Variants in ADAMTSL1 observed in about 807,000 individuals in gnomAD.
The protein encoded by ADAMTSL1 is ADAMTS-like protein 1.
In ADAMTSL1, 126 loss-of-function variants were observed where a neutral mutation model predicts 201.8. The observed-to-expected ratio is 0.62, with a 90% CI of 0.54 to 0.72. The LOEUF (loss-of-function observed/expected upper bound fraction) is 0.72. Among genes scored for constraint, ADAMTSL1 ranks in the 30% least tolerant of loss-of-function variants. The probability of loss-of-function intolerance (pLI) is 0.00; values close to 1 mark genes in which losing one functional copy is unlikely to be tolerated. For missense variants in ADAMTSL1, 2,679 were observed against 2,277.8 expected (o/e 1.18, Z -3.59); for synonymous variants, 1,121 against 903.4 (o/e 1.24, Z -4.32).
chr9:18,274,237 G>A (rs1832499154), intron 2 of ADAMTSL1, among the ~76,000 whole-genome samples: 2 of 152,188 alleles, frequency 1.3e-5, no homozygotes, highest in Admixed American at 1.3e-4. Context: ...TTTATTTGAT[G>A]CATTCGTAAA....
intron 1 of ADAMTSL1, among the ~76,000 whole-genome samples, chr9:17,914,506 T>C (rs1174662241): frequency 6.6e-6 from 1 of 152,244 alleles, no homozygotes; most frequent in African/African-American, 2.4e-5. Context: ...AAATTAGGTG[T>C]TGATGGGACG....
At chr9:17,972,531 T>C (rs184871990) in intron 1 of ADAMTSL1, among the ~76,000 whole-genome samples, 1 of 152,148 alleles carries the variant, frequency 6.6e-6, no homozygotes, top group African/African-American at 2.4e-5. Context: ...CCATGGTGTC[T>C]ATGTGCCACA....
At chr9:18,038,845 T>C (rs574819926) in intron 1 of ADAMTSL1, among the ~76,000 whole-genome samples, 1 of 152,344 alleles carries the variant, frequency 6.6e-6, no homozygotes, top group South Asian at 2.1e-4. Context: ...AGAGAGTCTA[T>C]TGTGTAAACT....
chr9:18,633,129 C>T (rs1826880701), intron 5 of ADAMTSL1, among the ~76,000 whole-genome samples: 1 of 152,196 alleles, frequency 6.6e-6, no homozygotes, highest in Non-Finnish European at 1.5e-5. Context: ...AAGACTGCTG[C>T]TGAGCATGGC....
chr9:18,377,691 C>T (rs1419342127), intron 2 of ADAMTSL1, among the ~76,000 whole-genome samples: 1 of 152,076 alleles, frequency 6.6e-6, no homozygotes, highest in Admixed American at 6.6e-5. Context: ...CTGAGCCTCC[C>T]AAGTAGCTGG....
chr9:18,438,212 A>AG (rs1409088841), intron 2 of ADAMTSL1, among the ~76,000 whole-genome samples: 1 of 144,588 alleles, frequency 6.9e-6, no homozygotes, highest in Non-Finnish European at 1.5e-5. Flanking sequence ...AAGAGAAAGG[A>AG]GGGGGAGAGA....
intron 1 of ADAMTSL1, among the ~76,000 whole-genome samples, chr9:17,933,660 A>G (rs1031559617): frequency 6.6e-6 from 1 of 152,178 alleles, no homozygotes; most frequent in African/African-American, 2.4e-5. Flanking sequence ...ACTTACAATC[A>G]TGGCAAAAGT....
intron 1 of ADAMTSL1, among the ~76,000 whole-genome samples, chr9:18,009,794 T>C (rs1819976750): frequency 6.6e-6 from 1 of 152,038 alleles, no homozygotes; most frequent in Non-Finnish European, 1.5e-5. Flanking sequence ...TTAATGGTCA[T>C]TATGAAGCCA....
intron 13 of ADAMTSL1, among the ~76,000 whole-genome samples, chr9:18,685,242 T>C (rs1024239482): frequency 3.3e-5 from 5 of 152,224 alleles, no homozygotes; most frequent in Non-Finnish European, 7.3e-5. Context: ...ACTTTTCTTT[T>C]CCCTTTCTTC....
rs1831065776 is a variant in ADAMTSL1, at chr9:18,241,600, T to C, written c.207+77619T>C. On this transcript the variant is annotated intron_variant, in intron 2 of 29. Transcript: ENST00000680146. ...GTTTAACATATATAACATGATGTTATAAGACATATATAAACAAAATGACAA... is the reference window on the plus strand; with the variant it reads ...GTTTAACATATATAACATGATGTTACAAGACATATATAAACAAAATGACAA... 1.3e-5 allele frequency among the ~76,000 whole-genome samples: 2 copies of C among 152,054 alleles called. 1 individual carries two copies. Among genetic ancestry groups the C allele is most frequent in the South Asian group, 4.1e-4 (2 of 4,830 alleles).
intron 1 of ADAMTSL1, among the ~76,000 whole-genome samples, chr9:18,056,504 T>C (rs1822190646): frequency 6.6e-6 from 1 of 152,052 alleles, no homozygotes; most frequent in Admixed American, 6.6e-5. Flanking sequence ...GGTGACCTGT[T>C]GGCACTCCCT....
intron 14 of ADAMTSL1, among the ~76,000 whole-genome samples, chr9:18,710,782 G>A (rs944253478): frequency 6.7e-6 from 1 of 149,158 alleles, no homozygotes; most frequent in Non-Finnish European, 1.5e-5. Context: ...TAAATACTGT[G>A]GCTCCTTGTT....
intron 12 of ADAMTSL1, 110 bp from the exon 13 acceptor site, chr9:18,684,606 T>C (rs1830710341): frequency 1.6e-6 from 2 of 1,216,582 alleles, no homozygotes; most frequent in Non-Finnish European, 2.2e-6. Context: ...CAAAAACTTA[T>C]TCGTGTTGGT....
chr9:18,886,164 G>GTATA (rs773443727), intron 23 of ADAMTSL1, among the ~76,000 whole-genome samples: 67 of 62,194 alleles, frequency 1.1e-3, no homozygotes, highest in East Asian at 1.9e-3. Context: ...GAGTGTGTAT[G>GTATA]TGTATATATA....
At chr9:18,223,266 T>G (rs1023723387) in intron 2 of ADAMTSL1, among the ~76,000 whole-genome samples, 1 of 152,048 alleles carries the variant, frequency 6.6e-6, no homozygotes, top group African/African-American at 2.4e-5. Flanking sequence ...CAATTTCAGA[T>G]TTGGGGGTTT....
At chr9:18,393,829 C>T (rs1434045526) in intron 2 of ADAMTSL1, among the ~76,000 whole-genome samples, 2 of 152,114 alleles carry the variant, frequency 1.3e-5, no homozygotes, top group African/African-American at 4.8e-5. Flanking sequence ...TGGAGGGAAG[C>T]CAAAAGTGAA....
At chr9:18,775,637 C>T in intron 17 of ADAMTSL1, 106 bp from the exon 18 acceptor site, 1 of 1,433,770 alleles carries the variant, frequency 7.0e-7, no homozygotes, top group South Asian at 1.2e-5. Context: ...GTGGTTATTG[C>T]TTTTCCAAGC....
At chr9:18,167,584 T>C (rs1327803518) in intron 2 of ADAMTSL1, among the ~76,000 whole-genome samples, 1 of 152,028 alleles carries the variant, frequency 6.6e-6, no homozygotes, top group Non-Finnish European at 1.5e-5. Context: ...TTATATTTTC[T>C]CCGTTAGTTG....
intron 2 of ADAMTSL1, among the ~76,000 whole-genome samples, chr9:18,317,429 T>C (rs1424454398): frequency 1.3e-5 from 2 of 150,794 alleles, no homozygotes; most frequent in Non-Finnish European, 1.5e-5. Flanking sequence ...CACACGTACA[T>C]GAGCAAATTT....
Sources: gnomAD v4.1 joint callset for allele counts (sites outside exome capture counted in the v4.1 genomes callset) on GRCh38, gnomAD v4.1.1 for gene constraint, MANE v1.5 for transcripts, NCBI Gene and HGNC (gene_info 2026-07-23, HGNC 2026-07-21) for gene names.